FER1L6: variants seen among roughly 807,000 people sequenced by gnomAD.
The protein encoded by FER1L6 is fer-1 like family member 6, also known as fer-1-like protein 6.
FER1L6 carries 177 observed loss-of-function variants against 219.2 expected under a neutral mutation model. That is an observed-to-expected ratio of 0.81 (90% CI 0.71 to 0.91). The LOEUF (loss-of-function observed/expected upper bound fraction) is 0.91, where lower values mean the gene tolerates loss of function less well. Among genes scored for constraint, FER1L6 ranks in the 40% least tolerant of loss-of-function variants. The probability of loss-of-function intolerance (pLI) is 0.00; values close to 1 mark genes in which losing one functional copy is unlikely to be tolerated. For synonymous variants in FER1L6, 768 were observed against 824.3 expected (o/e 0.93, Z 1.17); for missense variants, 2,153 against 2,259.9 (o/e 0.95, Z 0.96).
At chr8:123,887,829 T>C (rs1311533661) in intron 1 of FER1L6, among the ~76,000 whole-genome samples, 1 of 152,224 alleles carries the variant, frequency 6.6e-6, no homozygotes, top group Non-Finnish European at 1.5e-5. Flanking sequence ...GTAAGTCATA[T>C]GTATTTTTTC....
At chr8:124,005,322 C>T (rs1056266849) in intron 13 of FER1L6, among the ~76,000 whole-genome samples, 1 of 152,208 alleles carries the variant, frequency 6.6e-6, no homozygotes, top group Non-Finnish European at 1.5e-5. Flanking sequence ...TGATCCTAGT[C>T]TACTTCTCCA....
intron 33 of FER1L6, among the ~76,000 whole-genome samples, chr8:124,086,282 T>C (rs1044938281): frequency 1.3e-5 from 2 of 152,138 alleles, no homozygotes; most frequent in Non-Finnish European, 2.9e-5. Flanking sequence ...TCTTCCTTCT[T>C]GTCTTCCTTT....
intron 6 of FER1L6, among the ~76,000 whole-genome samples, chr8:123,971,128 T>C (rs976659697): frequency 6.6e-6 from 1 of 152,258 alleles, no homozygotes; most frequent in Admixed American, 6.5e-5. Flanking sequence ...TTTTCTTCCC[T>C]GTCTTTATCA....
intron 1 of FER1L6, among the ~76,000 whole-genome samples, chr8:123,944,683 G>A (rs1586496416): frequency 6.6e-6 from 1 of 152,134 alleles, no homozygotes; most frequent in Admixed American, 6.5e-5. Flanking sequence ...TACGCATTTT[G>A]CTCTAGGTCA....
chr8:123,892,195 G>T (rs11997505), intron 1 of FER1L6, among the ~76,000 whole-genome samples: 2,196 of 151,978 alleles, frequency 0.014, 57 homozygotes, highest in African/African-American at 0.05. Context: ...GGTAAAATTT[G>T]GTTTTCTCTT....
chr8:124,010,672 G>C lies in FER1L6; in HGVS notation c.1779G>C (p.Arg593Ser), dbSNP rs758446743. 2.7e-5 allele frequency: 43 copies of C among 1,613,804 alleles called. No individual in the cohort carries two copies. The Admixed American group carries it at 7.0e-4, about 26-fold the overall frequency. ...GCTCTTGGGGAGACCAGACCTTCAG[G>C]CTGCACTGGTCCAACATGCTGGAGA... ...FISSWGDQTF[R>S]LHWSNMLEKM... The change falls in exon 14 of 41, where the codon AGG (arginine) becomes AGC (serine). Residue 593 changes from arginine to serine, a missense_variant. Physicochemically the swap from Arg to Ser is moderately radical, Grantham distance 110. Transcript: ENST00000522917.
At chr8:124,116,384 T>G (rs1823246080) in intron 39 of FER1L6, among the ~76,000 whole-genome samples, 1 of 151,822 alleles carries the variant, frequency 6.6e-6, no homozygotes, top group African/African-American at 2.4e-5. Flanking sequence ...AGTTATAAAG[T>G]GCGATAGCCA....
intron 2 of FER1L6, among the ~76,000 whole-genome samples, chr8:123,959,559 G>A (rs894156903): frequency 6.6e-6 from 1 of 152,222 alleles, no homozygotes; most frequent in Non-Finnish European, 1.5e-5. Flanking sequence ...TAGCTACTGA[G>A]CACCTACAAG....
At chr8:123,898,819 A>ATG (rs1479262561) in intron 1 of FER1L6, among the ~76,000 whole-genome samples, 3 of 142,626 alleles carry the variant, frequency 2.1e-5, no homozygotes, top group African/African-American at 7.9e-5. Flanking sequence ...ATATATACAT[A>ATG]TGTGTATATA....
intron 12 of FER1L6, among the ~76,000 whole-genome samples, chr8:124,001,140 G>A (rs1817392532): frequency 1.3e-5 from 2 of 152,222 alleles, no homozygotes; most frequent in African/African-American, 4.8e-5. Context: ...TTCCCTTAGT[G>A]GACTGGGATC....
chr8:123,987,718 C>T (rs1028545280), intron 12 of FER1L6, among the ~76,000 whole-genome samples: 1 of 152,076 alleles, frequency 6.6e-6, no homozygotes, highest in Non-Finnish European at 1.5e-5. Flanking sequence ...ACATAGGGGT[C>T]TAGTTTCATT....
chr8:123,900,714 G>A (rs1382678353), intron 1 of FER1L6, among the ~76,000 whole-genome samples: 1 of 152,148 alleles, frequency 6.6e-6, no homozygotes, highest in African/African-American at 2.4e-5. Flanking sequence ...ATCATAAAGT[G>A]GTACTGGATT....
At position 124,015,590 on chromosome 8, in the gene FER1L6, T is replaced by TAC. The variant is rs1563745050; in HGVS notation, c.1923-2037_1923-2036insCA. Among the ~76,000 whole-genome samples the TAC allele has an allele frequency of 3.5e-4, 30 of 86,716 alleles. 1 individual carries two copies. Among genetic ancestry groups the TAC allele is most frequent in the African/African-American group, 1.4e-3 (23 of 16,418 alleles). The allele number at this position is 86,716 out of a possible 152,430, so 56.9% of individuals were successfully genotyped here. On this transcript the variant is annotated intron_variant, in intron 15 of 40. Coordinates refer to ENST00000522917, the MANE Select transcript of FER1L6 (RefSeq NM_001039112.2). Reference sequence around the variant, plus strand: ...TAAAAGCTATATATATATATATATATATATATATATATATATATATATATA... The same window carrying TAC: ...TAAAAGCTATATATATATATATATATACATATATATATATATATATATATATA...
In FER1L6 at chr8:123,980,570, G is replaced by T. The variant is rs373862248; in HGVS notation, c.1169G>T (p.Gly390Val). 6.2e-7 allele frequency: 1 copy of T among 1,614,170 alleles called. No homozygotes were observed. Among genetic ancestry groups the T allele is most frequent in the Admixed American group, 1.7e-5 (1 of 60,022 alleles). ...YQEMNEGFGE[G>V]VSFRGRILVE... ...GAAATGAACGAAGGCTTTGGGGAAG[G>T]TGTGTCATTCAGGGGCAGAATCTTG... Residue 390 changes from glycine (G) to valine (V), a missense_variant, in exon 11 of 41, where the codon GGT (glycine) becomes GTT (valine). By Grantham distance (109) the Gly-to-Val change is moderately radical. Transcript: ENST00000522917.
At chr8:123,976,799 G>A (rs1816093932) in intron 9 of FER1L6, among the ~76,000 whole-genome samples, 1 of 152,234 alleles carries the variant, frequency 6.6e-6, no homozygotes. Flanking sequence ...TCCTCAGTTA[G>A]TCCTTGTCTT....
chr8:124,051,083 T>C (rs1329744532), intron 22 of FER1L6, among the ~76,000 whole-genome samples: 2 of 152,072 alleles, frequency 1.3e-5, no homozygotes, highest in African/African-American at 4.8e-5. Context: ...CTAGCATCCT[T>C]ATTGGGATTT....
At chr8:123,968,785 A>G (rs962419103) in intron 5 of FER1L6, among the ~76,000 whole-genome samples, 3 of 152,186 alleles carry the variant, frequency 2.0e-5, no homozygotes, top group Non-Finnish European at 2.9e-5. Flanking sequence ...ATGTATGATG[A>G]CATTTTTCGG....
chr8:123,950,062 C>T (rs1173097068), intron 1 of FER1L6, among the ~76,000 whole-genome samples: 1 of 152,082 alleles, frequency 6.6e-6, no homozygotes, highest in Non-Finnish European at 1.5e-5. Flanking sequence ...CTTTAATTAG[C>T]CTGGATATTA....
intron 1 of FER1L6, among the ~76,000 whole-genome samples, chr8:123,876,891 A>G (rs1817013154): frequency 6.6e-6 from 1 of 152,230 alleles, no homozygotes; most frequent in South Asian, 2.1e-4. Context: ...AGCTGTGCAT[A>G]TTCTTTAAAA....
Sources: gnomAD v4.1 joint callset for allele counts (sites outside exome capture counted in the v4.1 genomes callset) on GRCh38, gnomAD v4.1.1 for gene constraint, MANE v1.5 for transcripts, NCBI Gene and HGNC (gene_info 2026-07-23, HGNC 2026-07-21) for gene names.